CENPP: variants seen among roughly 807,000 people sequenced by gnomAD.
CENPP encodes centromere protein P.
Under a neutral mutation model 35.6 loss-of-function variants are expected in CENPP, and 24 were observed. The observed-to-expected ratio is 0.67, with a 90% CI of 0.49 to 0.95. The LOEUF (loss-of-function observed/expected upper bound fraction) is 0.95. CENPP is among the 40% of genes least tolerant of loss of function. The probability of loss-of-function intolerance (pLI) is 0.00; values close to 1 mark genes in which losing one functional copy is unlikely to be tolerated. For synonymous variants in CENPP, 120 were observed against 125.5 expected (o/e 0.96, Z 0.29); for missense variants, 332 against 345.3 (o/e 0.96, Z 0.31).
At chr9:92,412,911 A>G (rs1290474293) in intron 5 of CENPP, among the ~76,000 whole-genome samples, 1 of 146,066 alleles carries the variant, frequency 6.8e-6, no homozygotes, top group Non-Finnish European at 1.5e-5. Context: ...TGGTGTGAAC[A>G]TGTGTGTTCA....
At chr9:92,456,869 T>G (rs1844896156) in intron 5 of CENPP, 4 of 824,880 alleles carry the variant, frequency 4.8e-6, no homozygotes, top group Non-Finnish European at 5.9e-6. Flanking sequence ...CTCTTCACAT[T>G]ACTGTCTTTG....
At chr9:92,471,084 C>T (rs1428052176) in intron 5 of CENPP, among the ~76,000 whole-genome samples, 1 of 152,138 alleles carries the variant, frequency 6.6e-6, no homozygotes, top group Non-Finnish European at 1.5e-5. Context: ...TGACCAACCA[C>T]TGAGGTGCAG....
intron 5 of CENPP, among the ~76,000 whole-genome samples, chr9:92,571,768 A>G (rs1461434591): frequency 6.6e-6 from 1 of 152,110 alleles, no homozygotes; most frequent in Middle Eastern, 3.2e-3. Flanking sequence ...GTGCTCCTGT[A>G]TTGGGTGCAT....
intron 5 of CENPP, among the ~76,000 whole-genome samples, chr9:92,391,582 G>A (rs1471914448): frequency 6.6e-6 from 1 of 152,068 alleles, no homozygotes; most frequent in Non-Finnish European, 1.5e-5. Flanking sequence ...CTGGGCAACA[G>A]AGCGAGACCC....
intron 5 of CENPP, among the ~76,000 whole-genome samples, chr9:92,483,118 G>T (rs1255431182): frequency 6.6e-6 from 1 of 152,138 alleles, no homozygotes; most frequent in Non-Finnish European, 1.5e-5. Flanking sequence ...GAGACTTAGA[G>T]CAGGGAAGAT....
At chr9:92,514,186 T>A (rs1847536230) in intron 5 of CENPP, among the ~76,000 whole-genome samples, 1 of 150,740 alleles carries the variant, frequency 6.6e-6, no homozygotes, top group East Asian at 2.0e-4. Flanking sequence ...AGTCTGAAAC[T>A]ACTGGGCTGA....
At chr9:92,608,382 C>T (rs17462606) in intron 5 of CENPP, among the ~76,000 whole-genome samples, 7,198 of 152,258 alleles carry the variant, frequency 0.047, 211 homozygotes, top group South Asian at 0.11. Context: ...CGAAAATATA[C>T]GGTACATACC....
At chr9:92,405,658 T>G (rs1295194673) in intron 5 of CENPP, among the ~76,000 whole-genome samples, 2 of 152,198 alleles carry the variant, frequency 1.3e-5, no homozygotes, top group Non-Finnish European at 2.9e-5. Flanking sequence ...TTGTTTTGTA[T>G]TGTGTGGCAA....
chr9:92,405,755 A>G (rs1843287348), intron 5 of CENPP, among the ~76,000 whole-genome samples: 1 of 152,226 alleles, frequency 6.6e-6, no homozygotes, highest in Non-Finnish European at 1.5e-5. Context: ...CATTAATGGT[A>G]CACTTTGATG....
At chr9:92,414,075 A>G (rs1843518459) in intron 5 of CENPP, among the ~76,000 whole-genome samples, 1 of 152,190 alleles carries the variant, frequency 6.6e-6, no homozygotes, top group Non-Finnish European at 1.5e-5. Flanking sequence ...AGTTCATCAC[A>G]GCAGTTAGAT....
At chr9:92,458,795 AT>A (rs1488261168) in intron 5 of CENPP, among the ~76,000 whole-genome samples, 1 of 152,190 alleles carries the variant, frequency 6.6e-6, no homozygotes, top group Non-Finnish European at 1.5e-5. Flanking sequence ...CAAATGCAGC[AT>A]TTGGAAAAGT....
At position 92,592,337 on chromosome 9, in the gene CENPP, C is replaced by G. The variant is rs1850685634; in HGVS notation, c.565-18977C>G. On this transcript the variant is annotated intron_variant, in intron 5 of 7. Coordinates refer to ENST00000375587, the MANE Select transcript of CENPP (RefSeq NM_001012267.3). ...CAGGGCGAGCACTGCTGGCTCCTGACAGCAGGGATCCACTAGCCTGCTCTA... is the reference window on the plus strand; with the variant it reads ...CAGGGCGAGCACTGCTGGCTCCTGAGAGCAGGGATCCACTAGCCTGCTCTA... Among the ~76,000 whole-genome samples the G allele has an allele frequency of 2.0e-5, 3 of 152,316 alleles. No homozygotes were observed. In the South Asian group the frequency reaches 6.2e-4, roughly 32 times the overall value.
intron 5 of CENPP, among the ~76,000 whole-genome samples, chr9:92,534,348 C>T (rs1175845354): frequency 2.6e-5 from 4 of 152,158 alleles, no homozygotes; most frequent in African/African-American, 9.7e-5. Flanking sequence ...CTTCATCTGC[C>T]AGAATCATCT....
chr9:92,619,803 C>T lies in CENPP; in HGVS notation c.*6654C>T, dbSNP rs899214047. 5.3e-5 allele frequency: 29 copies of T among 543,668 alleles called. No individual in the cohort carries two copies. Among genetic ancestry groups the T allele is most frequent in the Admixed American group, 2.4e-4 (8 of 32,800 alleles). 33.7% of individuals were successfully genotyped at this position (543,668 alleles called of 1,614,324 possible). A position where few individuals can be genotyped will look rare whatever the true frequency, so the allele number is the denominator to read the frequency against. ...GCCAGCACCGCCCCCTGACCTCTCA[C>T]GGCAAGCAGTGTGGGACCCCGACTC... is the stretch of plus-strand genomic sequence containing the variant. On this transcript the variant is annotated 3_prime_UTR_variant, in exon 8 of 8. Coordinates refer to ENST00000375587, the MANE Select transcript of CENPP (RefSeq NM_001012267.3).
At chr9:92,513,562 A>G (rs147806582) in intron 5 of CENPP, among the ~76,000 whole-genome samples, 37 of 152,328 alleles carry the variant, frequency 2.4e-4, no homozygotes, top group African/African-American at 8.9e-4. Context: ...CGTTTAACTG[A>G]TAGGAAACCC....
chr9:92,598,524 T>C (rs909817306), intron 5 of CENPP, among the ~76,000 whole-genome samples: 2 of 152,116 alleles, frequency 1.3e-5, no homozygotes, highest in South Asian at 2.1e-4. Context: ...TGACATCACA[T>C]GGGCAGAGGC....
chr9:92,559,103 C>T (rs1849790699), intron 5 of CENPP, among the ~76,000 whole-genome samples: 1 of 152,190 alleles, frequency 6.6e-6, no homozygotes, highest in Non-Finnish European at 1.5e-5. Context: ...GAAGTCTGCA[C>T]ACTGGATTCG....
chr9:92,600,534 C>G (rs1309655036), intron 5 of CENPP: 4 of 1,612,584 alleles, frequency 2.5e-6, no homozygotes, highest in Non-Finnish European at 2.5e-6. Flanking sequence ...TGGGCCACCC[C>G]ACTGGGGCTG....
chr9:92,443,283 C>A (rs988746238), intron 5 of CENPP, among the ~76,000 whole-genome samples: 2 of 151,998 alleles, frequency 1.3e-5, no homozygotes, highest in East Asian at 1.9e-4. Flanking sequence ...ATAAAAATAT[C>A]AATTTTTACC....
Sources: allele counts gnomAD v4.1 joint callset (sites outside exome capture counted in the v4.1 genomes callset), GRCh38; gene constraint gnomAD v4.1.1; transcripts MANE v1.5; gene names NCBI Gene and HGNC (gene_info 2026-07-23, HGNC 2026-07-21).